LPCAT1: variants seen among roughly 807,000 people sequenced by gnomAD.
The protein encoded by LPCAT1 is 1-acylglycerol-3-phosphate O-acyltransferase.
Under a neutral mutation model 60.9 loss-of-function variants are expected in LPCAT1, and 23 were observed. That is an observed-to-expected ratio of 0.38 (90% CI 0.27 to 0.53). The LOEUF (loss-of-function observed/expected upper bound fraction) is 0.53. Ranked by LOEUF, LPCAT1 falls within the 20% of genes least tolerant of loss-of-function variation. LPCAT1 has a pLI of 0.82. For missense variants in LPCAT1, 622 were observed against 723.6 expected (o/e 0.86, Z 1.61); for synonymous variants, 340 against 301.1 (o/e 1.13, Z -1.34).
In LPCAT1 at chr5:1,495,924, T is replaced by A. The variant is rs2126571995; in HGVS notation, c.279-1010A>T. ...CTCCTCTCGTGGGGCCACCTTGGAATGGCCTTTGTGTATGCGATGATAAAC... is the reference window on the plus strand; with the variant it reads ...CTCCTCTCGTGGGGCCACCTTGGAAAGGCCTTTGTGTATGCGATGATAAAC... On this transcript the variant is annotated intron_variant, in intron 2 of 13. Coordinates refer to ENST00000283415, the MANE Select transcript of LPCAT1 (RefSeq NM_024830.5). The surrounding 1 kb of genome is among the most constrained non-coding windows in gnomAD (Gnocchi z 4.7). 6.6e-6 allele frequency among the ~76,000 whole-genome samples: 1 copy of A among 152,302 alleles called. No individual in the cohort carries two copies. Among genetic ancestry groups the A allele is most frequent in the East Asian group, 1.9e-4 (1 of 5,188 alleles).
chr5:1,507,079 C>A (rs1161229999), intron 1 of LPCAT1, among the ~76,000 whole-genome samples: 1 of 152,158 alleles, frequency 6.6e-6, no homozygotes, highest in African/African-American at 2.4e-5. Flanking sequence ...AGCCTCCAGG[C>A]AGTGTGGCCA....
chr5:1,465,606 C>T (rs1331738156), intron 13 of LPCAT1, among the ~76,000 whole-genome samples: 1 of 151,784 alleles, frequency 6.6e-6, no homozygotes, highest in Non-Finnish European at 1.5e-5. Context: ...CGGTACTAAA[C>T]ACGTGCGCAC....
At position 1,483,571 on chromosome 5, in the gene LPCAT1, A is replaced by C; in HGVS notation, c.668-85T>G. ...CGTTTCTCATGCTGCCCTTGGGATA[A>C]AAGTGAGCTTTTCTGTCTAGGCCTT... On this transcript the variant is annotated intron_variant, in intron 5 of 13. Transcript: ENST00000283415. The surrounding 1 kb of genome is among the most constrained non-coding windows in gnomAD (Gnocchi z 9.2). 1 of 1,435,052 alleles carries C rather than the reference A, an allele frequency of 7.0e-7. No individual in the cohort carries two copies. Among genetic ancestry groups the C allele is most frequent in the African/African-American group, 1.4e-5 (1 of 71,210 alleles). 88.9% of individuals were successfully genotyped at this position (1,435,052 alleles called of 1,614,324 possible). A position where few individuals can be genotyped will look rare whatever the true frequency, so the allele number is the denominator to read the frequency against.
At chr5:1,465,345 C>T (rs1469938132) in intron 13 of LPCAT1, among the ~76,000 whole-genome samples, 5 of 140,524 alleles carry the variant, frequency 3.6e-5, no homozygotes, top group African/African-American at 1.1e-4. Flanking sequence ...AGTAACTAAA[C>T]ACACATGCGC....
chr5:1,475,664 C>T (rs1297852227), intron 9 of LPCAT1, among the ~76,000 whole-genome samples: 3 of 152,244 alleles, frequency 2.0e-5, no homozygotes, highest in Non-Finnish European at 4.4e-5. Flanking sequence ...CTAGGACCCA[C>T]TACGGGAGTG....
intron 1 of LPCAT1, among the ~76,000 whole-genome samples, chr5:1,510,268 C>T (rs751579684): frequency 3.3e-5 from 5 of 152,184 alleles, no homozygotes; most frequent in Admixed American, 6.5e-5. Flanking sequence ...GTTTCTTCTT[C>T]GCTCTCCCAC....
intron 1 of LPCAT1, among the ~76,000 whole-genome samples, chr5:1,519,209 T>C (rs1439998462): frequency 6.6e-6 from 1 of 152,254 alleles, no homozygotes; most frequent in African/African-American, 2.4e-5. Flanking sequence ...TGCTGTCAGC[T>C]GTAAAACAAA....
intron 1 of LPCAT1, among the ~76,000 whole-genome samples, chr5:1,519,027 G>A (rs1375460972): frequency 6.6e-6 from 1 of 152,248 alleles, no homozygotes; most frequent in Non-Finnish European, 1.5e-5. Flanking sequence ...CCAGCCTGGC[G>A]TCCTGAAACA....
intron 1 of LPCAT1, among the ~76,000 whole-genome samples, chr5:1,510,269 G>A (rs530465969): frequency 6.6e-6 from 1 of 151,898 alleles, no homozygotes; most frequent in South Asian, 2.1e-4. Flanking sequence ...TTTCTTCTTC[G>A]CTCTCCCACT....
At position 1,495,807 on chromosome 5, in the gene LPCAT1, A is replaced by C. The variant is rs1735768644; in HGVS notation, c.279-893T>G. Among the ~76,000 whole-genome samples the C allele has an allele frequency of 6.6e-6, 1 of 152,208 alleles. No individual in the cohort carries two copies. The highest frequency in any genetic ancestry group is 2.1e-4 in the South Asian group (1 of 4,824). On this transcript the variant is annotated intron_variant, in intron 2 of 13. Transcript: ENST00000283415. This position sits in a 1 kb window ranked among gnomAD's most constrained non-coding sequence, Gnocchi z 4.7. Reference sequence around the variant, plus strand: ...GAGCCTGAAGCCTTACTGGATTCACATTGCCCTGGGACAGATGATCCTCCC... The same window carrying C: ...GAGCCTGAAGCCTTACTGGATTCACCTTGCCCTGGGACAGATGATCCTCCC...
chr5:1,487,346 G>A lies in LPCAT1; in HGVS notation c.667+1045C>T, dbSNP rs1219796351. Reference sequence around the variant, plus strand: ...CTGCATCTCTGGTTCTGATCAGAATGACTCAGAACCACGCGTGGTGAAGAC... The same window carrying A: ...CTGCATCTCTGGTTCTGATCAGAATAACTCAGAACCACGCGTGGTGAAGAC... On this transcript the variant is annotated intron_variant, in intron 5 of 13. Transcript: ENST00000283415. The surrounding 1 kb of genome is among the most constrained non-coding windows in gnomAD (Gnocchi z 6.1). 6.6e-6 allele frequency among the ~76,000 whole-genome samples: 1 copy of A among 152,150 alleles called. No homozygotes were observed. The highest frequency in any genetic ancestry group is 2.1e-4 in the South Asian group (1 of 4,828).
intron 13 of LPCAT1, among the ~76,000 whole-genome samples, chr5:1,464,759 GCACA>G (rs369210112): frequency 9.8e-6 from 1 of 102,074 alleles, no homozygotes; most frequent in Non-Finnish European, 2.0e-5. Context: ...CACAAAACAA[GCACA>G]CACACGGTAA....
At chr5:1,514,342 G>A (rs1335371225) in intron 1 of LPCAT1, among the ~76,000 whole-genome samples, 12 of 152,202 alleles carry the variant, frequency 7.9e-5, no homozygotes, top group Non-Finnish European at 2.9e-5. Flanking sequence ...GCAGCACGAG[G>A]GGCCATCGCA....
At chr5:1,468,314 A>G (rs1002842035) in intron 12 of LPCAT1, among the ~76,000 whole-genome samples, 2 of 152,236 alleles carry the variant, frequency 1.3e-5, no homozygotes, top group African/African-American at 4.8e-5. Context: ...TGCTGAATCA[A>G]ACATCTGCAG....
chr5:1,472,167 G>A (rs570270677), intron 11 of LPCAT1, among the ~76,000 whole-genome samples: 10 of 151,784 alleles, frequency 6.6e-5, no homozygotes, highest in African/African-American at 2.4e-4. Context: ...CAAGGGCAGA[G>A]GGAGAACTCT....
At chr5:1,516,411 A>T (rs528943060) in intron 1 of LPCAT1, among the ~76,000 whole-genome samples, 5 of 152,268 alleles carry the variant, frequency 3.3e-5, no homozygotes, top group African/African-American at 1.2e-4. Context: ...TAACCCCTCC[A>T]GGGTAGCCTA....
chr5:1,486,518 ATGAAAGG>A (rs1301888253), intron 5 of LPCAT1, among the ~76,000 whole-genome samples: 2 of 152,086 alleles, frequency 1.3e-5, no homozygotes, highest in Non-Finnish European at 2.9e-5. Context: ...AGGCGATGTG[ATGAAAGG>A]TGGAGGGAGG....
At position 1,521,911 on chromosome 5, in the gene LPCAT1, G is replaced by A. The variant is rs1266810426; in HGVS notation, c.135+1799C>T. ...TCTGTACCTACCCATGAGAGTCTCT[G>A]CCCTGCTTCTCGCCAGGGCAGTGGG... On this transcript the variant is annotated intron_variant, in intron 1 of 13. Coordinates refer to ENST00000283415, the MANE Select transcript of LPCAT1 (RefSeq NM_024830.5). The surrounding 1 kb of genome is among the most constrained non-coding windows in gnomAD (Gnocchi z 4.3). Among the ~76,000 whole-genome samples the A allele has an allele frequency of 6.6e-6, 1 of 152,220 alleles. No homozygotes were observed. Among genetic ancestry groups the A allele is most frequent in the Non-Finnish European group, 1.5e-5 (1 of 68,040 alleles).
chr5:1,521,390 T>G lies in LPCAT1; in HGVS notation c.135+2320A>C. ...AACTTAGCTGGGTTTCTGCGGGTTC[T>G]TGAGTGTGTCAGCCACTACTGGACC... On this transcript the variant is annotated intron_variant, in intron 1 of 13. Coordinates refer to ENST00000283415, the MANE Select transcript of LPCAT1 (RefSeq NM_024830.5). The surrounding 1 kb of genome is among the most constrained non-coding windows in gnomAD (Gnocchi z 4.3). 1 of 985,474 alleles carries G rather than the reference T, an allele frequency of 1.0e-6. No individual in the cohort carries two copies. Among genetic ancestry groups the G allele is most frequent in the African/African-American group, 1.7e-5 (1 of 57,362 alleles). 61.0% of individuals were successfully genotyped at this position (985,474 alleles called of 1,614,324 possible).
Sources: allele counts gnomAD v4.1 joint callset (sites outside exome capture counted in the v4.1 genomes callset), GRCh38; gene constraint gnomAD v4.1.1; non-coding constraint Gnocchi (gnomAD v3.1); transcripts MANE v1.5; gene names NCBI Gene and HGNC (gene_info 2026-07-23, HGNC 2026-07-21).